RAD51: variants seen among roughly 807,000 people sequenced by gnomAD.
The protein encoded by RAD51 is DNA repair protein RAD51 homolog 1.
Under a neutral mutation model 41.5 loss-of-function variants are expected in RAD51, and 14 were observed. The observed-to-expected ratio is 0.34, with a 90% CI of 0.22 to 0.53. The LOEUF is 0.53. Ranked by LOEUF, RAD51 falls within the 20% of genes least tolerant of loss-of-function variation. RAD51 has a pLI of 0.95. For missense variants in RAD51, 234 were observed against 422.0 expected (o/e 0.55, Z 3.90); for synonymous variants, 136 against 148.6 (o/e 0.92, Z 0.62).
At chr15:40,697,147 C>T (rs1894691695) in intron 1 of RAD51, among the ~76,000 whole-genome samples, 1 of 152,170 alleles carries the variant, frequency 6.6e-6, no homozygotes, top group Admixed American at 6.6e-5. Flanking sequence ...GTTGCCCAGG[C>T]TGGAGTGCAA....
At chr15:40,697,601 G>C (rs1455883112) in intron 1 of RAD51, among the ~76,000 whole-genome samples, 1 of 116,122 alleles carries the variant, frequency 8.6e-6, no homozygotes, top group African/African-American at 3.6e-5. Flanking sequence ...TTTTTGAGAC[G>C]GAGTCTCACT....
At chr15:40,718,980 T>C (rs1896125505) in intron 6 of RAD51, 81 bp downstream of exon 6, 1 of 1,316,434 alleles carries the variant, frequency 7.6e-7, no homozygotes, top group African/African-American at 1.4e-5. Context: ...GGCCGAAGAA[T>C]GTCTCTTCTA....
chr15:40,721,974 C>A (rs1359609793), intron 6 of RAD51, among the ~76,000 whole-genome samples: 2 of 152,220 alleles, frequency 1.3e-5, no homozygotes, highest in East Asian at 1.9e-4. Flanking sequence ...AATGAAATAT[C>A]ATTTTAGCCT....
intron 6 of RAD51, among the ~76,000 whole-genome samples, chr15:40,719,347 C>A (rs1422076848): frequency 1.3e-5 from 2 of 151,726 alleles, no homozygotes; most frequent in Non-Finnish European, 2.9e-5. Flanking sequence ...GTGTGAGCCA[C>A]CGCACCCGGC....
intron 5 of RAD51, among the ~76,000 whole-genome samples, chr15:40,711,128 T>G (rs1055758275): frequency 6.6e-6 from 1 of 152,164 alleles, no homozygotes; most frequent in Non-Finnish European, 1.5e-5. Context: ...AGCATGGTGT[T>G]TCATGCCTGT....
intron 6 of RAD51, among the ~76,000 whole-genome samples, chr15:40,727,787 T>A (rs947861296): frequency 6.6e-6 from 1 of 152,038 alleles, no homozygotes; most frequent in African/African-American, 2.4e-5. Flanking sequence ...CCTAATGCCA[T>A]CTGTTTATCC....
chr15:40,700,932 C>A (rs1372840313), intron 2 of RAD51, 132 bp from the exon 3 acceptor site: 3 of 804,736 alleles, frequency 3.7e-6, no homozygotes, highest in Non-Finnish European at 5.7e-6. Context: ...TCCCCCCGCC[C>A]CCCCAAGGAT....
intron 4 of RAD51, among the ~76,000 whole-genome samples, chr15:40,707,032 C>T (rs1195211227): frequency 6.6e-6 from 1 of 152,044 alleles, no homozygotes; most frequent in African/African-American, 2.4e-5. Context: ...ACTCTGTCAC[C>T]CAGGCTGGAG....
chr15:40,698,183 C>CTTTTTTTTTTTT (rs34665687), intron 1 of RAD51, among the ~76,000 whole-genome samples: 2 of 144,102 alleles, frequency 1.4e-5, no homozygotes. Context: ...ATGAGATGAA[C>CTTTTTTTTTTTT]TTTTTTTTTT....
At chr15:40,730,024 G>A (rs1226598745) in intron 9 of RAD51, 50 bp downstream of exon 9, 1 of 1,600,006 alleles carries the variant, frequency 6.2e-7, no homozygotes, top group African/African-American at 1.3e-5. Context: ...CATATTAACT[G>A]TGAAGACATG....
intron 3 of RAD51, among the ~76,000 whole-genome samples, chr15:40,705,789 G>T (rs926880690): frequency 6.6e-6 from 1 of 152,120 alleles, no homozygotes; most frequent in East Asian, 1.9e-4. Flanking sequence ...TATTTTTTTA[G>T]TAGAGATGGG....
In RAD51 at chr15:40,729,910, A is replaced by G. The variant is rs760678101; in HGVS notation, c.832A>G (p.Met278Val). 3.7e-6 allele frequency: 6 copies of G among 1,614,132 alleles called. No homozygotes were observed. The highest frequency in any genetic ancestry group is 5.1e-6 in the Non-Finnish European group (6 of 1,179,986). The part of the protein sequence containing the change: ...QVVAQVDGAA[M>V]FAADPKKPIG... ...GGTAGCTCAAGTGGATGGAGCAGCG[A>G]TGTTTGCTGCTGATCCCAAAAAACC... Residue 278 changes from methionine (M) to valine (V), a missense_variant, in exon 9 of 10, where the codon ATG becomes GTG. Around this residue, in one of 2 missense-constraint regions of RAD51, gnomAD observed 134 missense variants for 286.5 expected, o/e 0.47. Transcript: ENST00000267868.
At chr15:40,715,723 A>C (rs1043977506) in intron 5 of RAD51, among the ~76,000 whole-genome samples, 2 of 152,182 alleles carry the variant, frequency 1.3e-5, no homozygotes, top group Admixed American at 1.3e-4. Context: ...TTGTCAGTCT[A>C]CCTACCTATT....
rs1039394050 is a variant in RAD51 at position 40,716,374 on chromosome 15, C to CT, written c.436-2420dup. Among the ~76,000 whole-genome samples, 398 of 144,908 alleles carry CT rather than the reference C, an allele frequency of 2.7e-3. 4 individuals are homozygous for CT. The highest frequency in any genetic ancestry group is 7.7e-3 in the African/African-American group (306 of 39,892). On this transcript the variant is annotated intron_variant, in intron 5 of 9. Coordinates refer to ENST00000267868, the MANE Select transcript of RAD51 (RefSeq NM_002875.5). ...TTCAGTTTTTTCTCCGCCACTTCCT[C>CT]TTTTTTTTTTTAGACAAAGTCTCAC...
Position 40,705,520 on chromosome 15 carries a change from C to G in RAD51, c.226-657C>G, listed in dbSNP as rs142075311. On this transcript the variant is annotated intron_variant, in intron 3 of 9. Coordinates refer to ENST00000267868, the MANE Select transcript of RAD51 (RefSeq NM_002875.5). ...GGGATACAGTCTGCGGTTGATGGAGCAGGAAATGAAGGTGTACTGTATTGT... is the reference window on the plus strand; with the variant it reads ...GGGATACAGTCTGCGGTTGATGGAGGAGGAAATGAAGGTGTACTGTATTGT... 1.5e-3 allele frequency among the ~76,000 whole-genome samples: 229 copies of G among 152,288 alleles called. 3 individuals are homozygous for G. The East Asian group carries it at 0.039, about 26-fold the overall frequency.
At chr15:40,697,641 G>A (rs1000455513) in intron 1 of RAD51, among the ~76,000 whole-genome samples, 2 of 141,004 alleles carry the variant, frequency 1.4e-5, no homozygotes, top group Admixed American at 7.6e-5. Flanking sequence ...GCAGTGGCGC[G>A]ATCTTGGCTC....
intron 3 of RAD51, among the ~76,000 whole-genome samples, chr15:40,704,061 C>A (rs1327059919): frequency 6.6e-6 from 1 of 151,814 alleles, no homozygotes; most frequent in Non-Finnish European, 1.5e-5. Context: ...CCCCACCATG[C>A]CCTGCTATTT....
At chr15:40,708,166 C>T (rs1420255127) in intron 4 of RAD51, among the ~76,000 whole-genome samples, 2 of 151,236 alleles carry the variant, frequency 1.3e-5, no homozygotes. Flanking sequence ...TACAGGCATG[C>T]ACCACCATGC....
At chr15:40,724,932 G>A (rs1279963283) in intron 6 of RAD51, among the ~76,000 whole-genome samples, 6 of 115,522 alleles carry the variant, frequency 5.2e-5, no homozygotes, top group African/African-American at 1.8e-4. Flanking sequence ...TCGCTCTGTC[G>A]CCCAGGCCGG....
Sources: gnomAD v4.1 joint callset for allele counts (sites outside exome capture counted in the v4.1 genomes callset) on GRCh38, gnomAD v4.1.1 for gene constraint, gnomAD v4.1.1 regional missense constraint, MANE v1.5 for transcripts, NCBI Gene and HGNC (gene_info 2026-07-23, HGNC 2026-07-21) for gene names.